Variants in LRRC4C observed in about 807,000 individuals in gnomAD.
LRRC4C encodes leucine rich repeat containing 4C.
Under a neutral mutation model 33.6 loss-of-function variants are expected in LRRC4C, and 5 were observed. The observed-to-expected ratio is 0.15, with a 90% CI of 0.08 to 0.31. The LOEUF is 0.31. Ranked by LOEUF, LRRC4C falls within the 10% of genes least tolerant of loss-of-function variation. The pLI is 1.00. For missense variants in LRRC4C, 560 were observed against 796.7 expected, an observed-to-expected ratio of 0.70 and a Z score of 3.58; for synonymous variants, 329 against 302.0, an observed-to-expected ratio of 1.09 and a Z score of -0.93.
At chr11:40,307,163 A>AC (rs545324783) in intron 4 of LRRC4C, among the ~76,000 whole-genome samples, 144 of 151,430 alleles carry the variant, frequency 9.5e-4, no homozygotes, top group Non-Finnish European at 1.8e-3. Flanking sequence ...CCACCTCCTC[A>AC]CCCCCCATTA....
At chr11:41,067,928 A>G (rs191981613) in intron 1 of LRRC4C, among the ~76,000 whole-genome samples, 95 of 152,356 alleles carry the variant, frequency 6.2e-4, no homozygotes, top group African/African-American at 2.3e-3. Flanking sequence ...ATATCTATAT[A>G]TCACTAAATG....
intron 1 of LRRC4C, among the ~76,000 whole-genome samples, chr11:41,417,445 C>T (rs867238499): frequency 6.6e-6 from 1 of 151,986 alleles, no homozygotes; most frequent in South Asian, 2.1e-4. Flanking sequence ...CTTTGCGTGA[C>T]AATGTATCCC....
intron 1 of LRRC4C, among the ~76,000 whole-genome samples, chr11:41,176,630 T>C (rs763148774): frequency 1.3e-5 from 2 of 152,158 alleles, no homozygotes; most frequent in Non-Finnish European, 2.9e-5. Flanking sequence ...TATCTAATAG[T>C]TATAAATACT....
intron 1 of LRRC4C, among the ~76,000 whole-genome samples, chr11:41,180,537 C>T (rs1945400566): frequency 6.6e-6 from 1 of 152,200 alleles, no homozygotes; most frequent in Admixed American, 6.5e-5. Flanking sequence ...TCCGCTTCCA[C>T]TTGCCCTTTG....
At chr11:41,436,353 G>T (rs1339448073) in intron 1 of LRRC4C, among the ~76,000 whole-genome samples, 1 of 152,150 alleles carries the variant, frequency 6.6e-6, no homozygotes, top group Non-Finnish European at 1.5e-5. Context: ...AAGAAGAGTG[G>T]CAGGACCATG....
Position 40,989,517 on chromosome 11 carries a change from C to CA in LRRC4C, c.-495-55795dup, listed in dbSNP as rs538914429. On this transcript the variant is annotated intron_variant, in intron 1 of 6. Transcript: ENST00000528697. ...CCTCACTGACGTCTGTGTTCCACCGCAAAAAAATTAGAAAACAGTAAGAGT... is the reference window on the plus strand; with the variant it reads ...CCTCACTGACGTCTGTGTTCCACCGCAAAAAAAATTAGAAAACAGTAAGAGT... Among the ~76,000 whole-genome samples, 161 of 151,944 alleles carry CA rather than the reference C, an allele frequency of 1.1e-3. 1 individual carries two copies. The highest frequency in any genetic ancestry group is 3.8e-3 in the African/African-American group (156 of 41,436).
intron 1 of LRRC4C, among the ~76,000 whole-genome samples, chr11:41,334,242 G>A (rs1951381594): frequency 6.6e-6 from 1 of 152,204 alleles, no homozygotes; most frequent in Non-Finnish European, 1.5e-5. Flanking sequence ...TGGCTTTGCA[G>A]AAAGGTTTGT....
chr11:40,372,772 A>G (rs1948505369), intron 3 of LRRC4C, among the ~76,000 whole-genome samples: 1 of 152,150 alleles, frequency 6.6e-6, no homozygotes, highest in Non-Finnish European at 1.5e-5. Flanking sequence ...AGAAAAGCAT[A>G]CTTTGTCATT....
intron 3 of LRRC4C, among the ~76,000 whole-genome samples, chr11:40,569,086 AAT>A (rs1957875056): frequency 6.6e-6 from 1 of 152,162 alleles, no homozygotes; most frequent in Admixed American, 6.6e-5. Flanking sequence ...TTCTTAAATA[AAT>A]ATATTAGGAA....
intron 5 of LRRC4C, among the ~76,000 whole-genome samples, chr11:40,213,085 G>C (rs13328899): frequency 7.0e-4 from 107 of 152,086 alleles, no homozygotes; most frequent in African/African-American, 2.3e-3. Flanking sequence ...CCATAACTTC[G>C]GAGCAAAACT....
chr11:40,288,243 T>G (rs1457275447), intron 4 of LRRC4C, among the ~76,000 whole-genome samples: 1 of 152,190 alleles, frequency 6.6e-6, no homozygotes, highest in Non-Finnish European at 1.5e-5. Context: ...AATTTCTTAT[T>G]CATCTTTAGG....
intron 3 of LRRC4C, among the ~76,000 whole-genome samples, chr11:40,563,638 A>C (rs1163344964): frequency 6.6e-6 from 1 of 152,204 alleles, no homozygotes; most frequent in Non-Finnish European, 1.5e-5. Context: ...TTGGTGGCAC[A>C]GAGCTCCCAA....
At position 40,429,365 on chromosome 11, in the gene LRRC4C, C is replaced by A. The variant is rs116069830; in HGVS notation, c.-269-109644G>T. The stretch of plus-strand genomic sequence containing the variant: ...CTAGGATTACAGGCTTGAGCCACTG[C>A]GCCTGGCCCTGATGAACTGTTAAAC... On this transcript the variant is annotated intron_variant, in intron 3 of 6. Coordinates refer to ENST00000528697, the MANE Select transcript of LRRC4C (RefSeq NM_001258419.2). Among the ~76,000 whole-genome samples the A allele has an allele frequency of 3.9e-5, 6 of 152,270 alleles. 1 individual carries two copies. The highest frequency in any genetic ancestry group is 1.2e-4 in the African/African-American group (5 of 41,556).
At chr11:40,863,228 T>A (rs1438369426) in intron 2 of LRRC4C, among the ~76,000 whole-genome samples, 1 of 152,176 alleles carries the variant, frequency 6.6e-6, no homozygotes, top group African/African-American at 2.4e-5. Flanking sequence ...TCACTCTCAC[T>A]CATGGTCTAC....
At chr11:40,237,834 C>T (rs1865670633) in intron 5 of LRRC4C, among the ~76,000 whole-genome samples, 2 of 152,044 alleles carry the variant, frequency 1.3e-5, no homozygotes, top group African/African-American at 4.8e-5. Flanking sequence ...CCTATACCAC[C>T]GAAGTTGGAG....
chr11:41,287,378 C>G (rs1949861294), intron 1 of LRRC4C, among the ~76,000 whole-genome samples: 1 of 152,060 alleles, frequency 6.6e-6, no homozygotes, highest in Non-Finnish European at 1.5e-5. Context: ...CGATGAAAAC[C>G]AGGGTCTAGA....
At chr11:41,220,398 G>T (rs1947249937) in intron 1 of LRRC4C, among the ~76,000 whole-genome samples, 1 of 151,942 alleles carries the variant, frequency 6.6e-6, no homozygotes, top group Non-Finnish European at 1.5e-5. Context: ...ATGAAAATAG[G>T]AATCTCTCTG....
intron 1 of LRRC4C, among the ~76,000 whole-genome samples, chr11:41,373,037 T>A (rs937368673): frequency 2.6e-5 from 4 of 152,108 alleles, no homozygotes; most frequent in African/African-American, 9.7e-5. Flanking sequence ...TTCTAACACA[T>A]CCATTTAGCA....
intron 2 of LRRC4C, among the ~76,000 whole-genome samples, chr11:40,906,873 C>G (rs1433642569): frequency 6.6e-6 from 1 of 152,138 alleles, no homozygotes; most frequent in African/African-American, 2.4e-5. Context: ...AACACTAATA[C>G]TTGATCTCAA....
Sources: allele counts gnomAD v4.1 joint callset (sites outside exome capture counted in the v4.1 genomes callset), GRCh38; gene constraint gnomAD v4.1.1; transcripts MANE v1.5; gene names NCBI Gene and HGNC (gene_info 2026-07-23, HGNC 2026-07-21).